EYS: variants seen among roughly 807,000 people sequenced by gnomAD.
EYS encodes EGF-like photoreceptor maintenance factor, also known as protein eyes shut homolog.
A neutral mutation model predicts 282.1 loss-of-function variants in EYS; 250 were observed. The ratio of observed to expected loss-of-function variants is 0.89; its 90% CI spans 0.80 to 0.98. EYS has a LOEUF of 0.98. Ranked by LOEUF, EYS falls within the 50% of genes least tolerant of loss-of-function variation. The pLI, the probability that EYS is intolerant of heterozygous loss-of-function variation, is 0.00. For synonymous variants in EYS, 1,355 were observed against 1,282.9 expected, an observed-to-expected ratio of 1.06 and a Z score of -1.20; for missense variants, 4,016 against 3,709.0, an observed-to-expected ratio of 1.08 and a Z score of -2.15.
intron 21 of EYS, 65 bp downstream of exon 21, chr6:64,821,580 G>T: frequency 1.2e-6 from 1 of 808,390 alleles, no homozygotes; most frequent in Non-Finnish European, 2.0e-6. Flanking sequence ...CCTACAGCAA[G>T]CAATTTGATT....
At chr6:65,409,331 T>C (rs1041438736) in intron 5 of EYS, among the ~76,000 whole-genome samples, 1 of 152,166 alleles carries the variant, frequency 6.6e-6, no homozygotes, top group Non-Finnish European at 1.5e-5. Context: ...GCAGCTTGTA[T>C]AGAACTTGGA....
chr6:64,488,155 C>A (rs1776631288), intron 26 of EYS, among the ~76,000 whole-genome samples: 1 of 151,008 alleles, frequency 6.6e-6, no homozygotes, highest in East Asian at 1.9e-4. Flanking sequence ...TTAGGTAATA[C>A]AATTTAAAAA....
chr6:64,858,580 G>A (rs1766141125), intron 19 of EYS, among the ~76,000 whole-genome samples: 1 of 151,572 alleles, frequency 6.6e-6, no homozygotes, highest in Admixed American at 6.6e-5. Flanking sequence ...TCCTATTCAG[G>A]GTATTTTGTA....
chr6:65,380,488 G>A (rs942871046), intron 8 of EYS, among the ~76,000 whole-genome samples: 7 of 151,902 alleles, frequency 4.6e-5, no homozygotes, highest in Admixed American at 2.0e-4. Context: ...GATTAAAGAC[G>A]TAAATGTAAA....
intron 15 of EYS, among the ~76,000 whole-genome samples, chr6:64,930,245 CTGTTA>C (rs569317038): frequency 5.3e-5 from 8 of 151,902 alleles, no homozygotes; most frequent in Non-Finnish European, 1.2e-4. Context: ...TTCCCTGTGT[CTGTTA>C]TATCTGTAAA....
At chr6:65,246,705 G>A (rs979641024) in intron 12 of EYS, among the ~76,000 whole-genome samples, 12 of 152,000 alleles carry the variant, frequency 7.9e-5, no homozygotes, top group African/African-American at 2.9e-4. Flanking sequence ...ATTCAGATTG[G>A]AAATACACAC....
chr6:64,301,803 T>C (rs1043969690), intron 30 of EYS, among the ~76,000 whole-genome samples: 3 of 152,178 alleles, frequency 2.0e-5, no homozygotes, highest in African/African-American at 7.2e-5. Context: ...TTTAACACTG[T>C]TTACTGACGG....
intron 33 of EYS, among the ~76,000 whole-genome samples, chr6:64,011,894 C>T (rs1021077048): frequency 1.3e-5 from 2 of 152,080 alleles, no homozygotes; most frequent in South Asian, 2.1e-4. Flanking sequence ...CATAAATGTT[C>T]TTTTCTCTTG....
chr6:65,564,062 C>T (rs566909795), intron 2 of EYS, among the ~76,000 whole-genome samples: 1 of 152,216 alleles, frequency 6.6e-6, no homozygotes, highest in East Asian at 1.9e-4. Context: ...ATACAACTTA[C>T]AAGGGATGTG....
chr6:63,997,796 T>G (rs1436124902), intron 34 of EYS, among the ~76,000 whole-genome samples: 1 of 152,202 alleles, frequency 6.6e-6, no homozygotes, highest in Non-Finnish European at 1.5e-5. Flanking sequence ...GTTAAAAATG[T>G]GATTCATTAA....
At chr6:65,327,187 A>AT (rs1562098178) in intron 11 of EYS, among the ~76,000 whole-genome samples, 1 of 151,626 alleles carries the variant, frequency 6.6e-6, no homozygotes, top group East Asian at 1.9e-4. Context: ...CCACCTTGAT[A>AT]TATCAAGTCT....
chr6:64,205,651 C>T (rs544661034), intron 31 of EYS, among the ~76,000 whole-genome samples: 1 of 152,124 alleles, frequency 6.6e-6, no homozygotes, highest in East Asian at 1.9e-4. Flanking sequence ...AGCGTTGACC[C>T]AATCTCTAAA....
chr6:64,872,071 T>C (rs999939816), intron 19 of EYS, among the ~76,000 whole-genome samples: 1 of 152,014 alleles, frequency 6.6e-6, no homozygotes, highest in East Asian at 1.9e-4. Context: ...TCTGAAGTTA[T>C]GGTGGTAGCA....
Position 64,587,188 on chromosome 6 carries a change from A to AT in EYS, c.5644+3034dup, listed in dbSNP as rs569683360. On this transcript the variant is annotated intron_variant, in intron 26 of 42. Transcript: ENST00000503581. ...ATCGCAAGAGGTTGCTCAGAGTGTC[A>AT]TTTTTTTTTCTAGTGGTCCAATACA... is the stretch of plus-strand genomic sequence containing the variant. 2.8e-3 allele frequency among the ~76,000 whole-genome samples: 427 copies of AT among 151,252 alleles called. 5 individuals carry two copies. The highest frequency in any genetic ancestry group is 8.8e-3 in the African/African-American group (363 of 41,252).
intron 30 of EYS, among the ~76,000 whole-genome samples, chr6:64,279,131 T>C (rs994635414): frequency 6.6e-6 from 1 of 152,220 alleles, no homozygotes; most frequent in African/African-American, 2.4e-5. Flanking sequence ...TTTTTGCTTT[T>C]GGTAGAATAA....
intron 31 of EYS, among the ~76,000 whole-genome samples, chr6:64,090,020 G>C (rs1772299053): frequency 6.6e-6 from 1 of 151,982 alleles, no homozygotes; most frequent in Admixed American, 6.6e-5. Flanking sequence ...ATTTGATCCT[G>C]TCAAAAATCT....
intron 1 of EYS, among the ~76,000 whole-genome samples, chr6:65,649,137 CAA>C (rs369237730): frequency 3.0e-4 from 22 of 72,672 alleles, no homozygotes; most frequent in African/African-American, 9.6e-4. Context: ...GACTCTGTCT[CAA>C]AAAAAAAAAA....
chr6:63,965,234 G>A (rs545817811), intron 35 of EYS, among the ~76,000 whole-genome samples: 6 of 152,248 alleles, frequency 3.9e-5, no homozygotes, highest in African/African-American at 1.4e-4. Flanking sequence ...CTTACTTTGT[G>A]TAAGATACTA....
At chr6:65,170,183 C>T (rs1765071022) in intron 12 of EYS, among the ~76,000 whole-genome samples, 1 of 151,304 alleles carries the variant, frequency 6.6e-6, no homozygotes, top group South Asian at 2.1e-4. Flanking sequence ...TTTTAGAACA[C>T]ACATACACAC....
Sources: gnomAD v4.1 joint callset for allele counts (sites outside exome capture counted in the v4.1 genomes callset) on GRCh38, gnomAD v4.1.1 for gene constraint, MANE v1.5 for transcripts, NCBI Gene and HGNC (gene_info 2026-07-23, HGNC 2026-07-21) for gene names.